Variants in AGO1 observed in about 807,000 individuals in gnomAD.
AGO1 encodes the protein protein argonaute-1.
Under a neutral mutation model 109.2 loss-of-function variants are expected in AGO1, and 11 were observed. That is an observed-to-expected ratio of 0.10 (90% CI 0.06 to 0.17). The LOEUF is 0.17. Ranked by LOEUF, AGO1 falls within the 10% of genes least tolerant of loss-of-function variation. AGO1 has a pLI of 1.00. For synonymous variants in AGO1, 422 were observed against 418.6 expected (o/e 1.01, Z -0.10); for missense variants, 574 against 1,140.3 (o/e 0.50, Z 7.15).
chr1:35,892,484 A>T (rs1412958614), intron 2 of AGO1, 73 bp from the exon 3 acceptor site: 14 of 1,605,608 alleles, frequency 8.7e-6, no homozygotes, highest in Non-Finnish European at 1.2e-5. Context: ...CATTGCCTGG[A>T]CTTTGAATTA....
rs1396447344 is a variant in AGO1, at chr1:35,929,283, TA to T, written c.*9679del. 6.6e-6 allele frequency: 1 copy of T among 152,230 alleles called. No homozygotes were observed. The highest frequency in any genetic ancestry group is 1.5e-5 in the Non-Finnish European group (1 of 68,042). The allele number at this position is 152,230 out of a possible 1,614,324, so 9.4% of individuals were successfully genotyped here. ...ATGAGCCTTTCACATGCATTGACTC[TA>T]AAGAGGTGGGTTCCTGGATAGCAGA... On this transcript the variant is annotated 3_prime_UTR_variant, in exon 19 of 19. Transcript: ENST00000373204.
intron 8 of AGO1, among the ~76,000 whole-genome samples, chr1:35,900,761 T>C (rs997161477): frequency 6.6e-6 from 1 of 151,212 alleles, no homozygotes; most frequent in African/African-American, 2.4e-5. Flanking sequence ...AGTACAAAAA[T>C]TAGCGAGGCA....
chr1:35,896,146 T>G (rs2148712725), intron 8 of AGO1, among the ~76,000 whole-genome samples: 1 of 152,144 alleles, frequency 6.6e-6, no homozygotes, highest in East Asian at 1.9e-4. Flanking sequence ...ATTACAGGCA[T>G]GCGCCACCAC....
At chr1:35,880,915 C>A (rs1645029893), upstream of AGO1, among the ~76,000 whole-genome samples, 1 of 152,174 alleles carries the variant, frequency 6.6e-6, no homozygotes, top group South Asian at 2.1e-4. Context: ...CTGCCTTGGT[C>A]TCCCAAAGTG....
At chr1:35,879,607 T>G (rs1308664017), upstream of AGO1, among the ~76,000 whole-genome samples, 2 of 151,668 alleles carry the variant, frequency 1.3e-5, no homozygotes, top group Non-Finnish European at 2.9e-5. Flanking sequence ...TGGTGGCATG[T>G]GCCTGTCACC....
intron 1 of AGO1, among the ~76,000 whole-genome samples, chr1:35,875,500 G>A (rs1262026624): frequency 5.9e-5 from 9 of 152,040 alleles, no homozygotes; most frequent in Admixed American, 4.6e-4. Context: ...TGCAACCTCC[G>A]CCTCCTGGGG....
rs143723018 is a variant in AGO1, at chr1:35,929,018, T to C, written c.*9411T>C. On this transcript the variant is annotated 3_prime_UTR_variant, in exon 19 of 19. Coordinates refer to ENST00000373204, the MANE Select transcript of AGO1 (RefSeq NM_012199.5). ...ATTTATTCACCTATCTGTCCATCAA[T>C]CCAACAAATATACTGAATGCTGCTA... 6.6e-6 allele frequency: 1 copy of C among 152,266 alleles called. No homozygotes were observed. The highest frequency in any genetic ancestry group is 1.5e-5 in the Non-Finnish European group (1 of 68,054). The allele number at this position is 152,266 out of a possible 1,614,324, so 9.4% of individuals were successfully genotyped here.
chr1:35,920,582 A>T lies in AGO1; in HGVS notation c.*975A>T, dbSNP rs570501842. On this transcript the variant is annotated 3_prime_UTR_variant, in exon 19 of 19. Coordinates refer to ENST00000373204, the MANE Select transcript of AGO1 (RefSeq NM_012199.5). ...CTTTTTAAAAGATCACAACCTCAAGATGGTTAAAATCCATTGACATTTGCA... is the reference window on the plus strand; with the variant it reads ...CTTTTTAAAAGATCACAACCTCAAGTTGGTTAAAATCCATTGACATTTGCA... 1 of 152,496 alleles carries T rather than the reference A, an allele frequency of 6.6e-6. No homozygotes were observed. Among genetic ancestry groups the T allele is most frequent in the Admixed American group, 6.5e-5 (1 of 15,276 alleles). The allele number at this position is 152,496 out of a possible 1,614,324, so 9.4% of individuals were successfully genotyped here. A position where few individuals can be genotyped will look rare whatever the true frequency, so the allele number is the denominator to read the frequency against.
Position 35,894,021 on chromosome 1 carries a change from T to C in AGO1, c.650-16T>C. ...GACAGAACCTGAGCTGAGCTATCTT[T>C]ACCCTGTCCCCACAGTCTCAGCCAC... On this transcript the variant is annotated splice_polypyrimidine_tract_variant and intron_variant, in intron 5 of 18. Coordinates refer to ENST00000373204, the MANE Select transcript of AGO1 (RefSeq NM_012199.5). 6.5e-7 allele frequency: 1 copy of C among 1,536,128 alleles called. No homozygotes were observed. Among genetic ancestry groups the C allele is most frequent in the Non-Finnish European group, 8.7e-7 (1 of 1,143,268 alleles).
At position 35,927,632 on chromosome 1, in the gene AGO1, A is replaced by G. The variant is rs1260272129; in HGVS notation, c.*8025A>G. On this transcript the variant is annotated 3_prime_UTR_variant, in exon 19 of 19. Coordinates refer to ENST00000373204, the MANE Select transcript of AGO1 (RefSeq NM_012199.5). ...ATTGGCAAAGCAAGTAAGATCATCC[A>G]TCAGGAGTGGCTTAGATTAATGAAT... The G allele has an allele frequency of 2.6e-5, 4 of 152,226 alleles. No individual in the cohort carries two copies. Among genetic ancestry groups the G allele is most frequent in the Non-Finnish European group, 5.9e-5 (4 of 68,046 alleles). The allele number at this position is 152,226 out of a possible 1,614,324, so 9.4% of individuals were successfully genotyped here.
At chr1:35,902,112 G>T (rs1255750893) in intron 10 of AGO1, 42 bp downstream of exon 10, 1 of 1,585,050 alleles carries the variant, frequency 6.3e-7, no homozygotes, top group South Asian at 1.2e-5. Flanking sequence ...GGGCATATGG[G>T]GGTGGTTGGG....
chr1:35,875,697 C>T (rs1276218601), intron 1 of AGO1, among the ~76,000 whole-genome samples: 2 of 152,154 alleles, frequency 1.3e-5, no homozygotes, highest in African/African-American at 2.4e-5. Flanking sequence ...CAGGCATGAG[C>T]CACCGTGCCC....
chr1:35,926,105 A>T lies in AGO1; in HGVS notation c.*6498A>T, dbSNP rs1645921660. 6.6e-6 allele frequency: 1 copy of T among 152,224 alleles called. No homozygotes were observed. The highest frequency in any genetic ancestry group is 2.4e-5 in the African/African-American group (1 of 41,464). 9.4% of individuals were successfully genotyped at this position (152,224 alleles called of 1,614,324 possible). A position where few individuals can be genotyped will look rare whatever the true frequency, so the allele number is the denominator to read the frequency against. ...GAGCAGATTTTGACCAGTTGAAATAAGACATAAATTTATGACTCCGAGTGA... is the reference window on the plus strand; with the variant it reads ...GAGCAGATTTTGACCAGTTGAAATATGACATAAATTTATGACTCCGAGTGA... On this transcript the variant is annotated 3_prime_UTR_variant, in exon 19 of 19. Coordinates refer to ENST00000373204, the MANE Select transcript of AGO1 (RefSeq NM_012199.5).
intron 11 of AGO1, 112 bp from the exon 12 acceptor site, chr1:35,906,823 A>C (rs1441621849): frequency 2.1e-6 from 2 of 949,298 alleles, no homozygotes; most frequent in Non-Finnish European, 1.5e-6. Flanking sequence ...AAAAAAAAAA[A>C]AACCAATCTC....
At chr1:35,876,479 G>T (rs1388905092) in intron 1 of AGO1, among the ~76,000 whole-genome samples, 6 of 152,078 alleles carry the variant, frequency 3.9e-5, no homozygotes, top group Non-Finnish European at 8.8e-5. Flanking sequence ...TGTTAGCCAG[G>T]ATGGTCTTGA....
At chr1:35,889,098 G>A (rs971231244) in intron 2 of AGO1, among the ~76,000 whole-genome samples, 6 of 133,138 alleles carry the variant, frequency 4.5e-5, no homozygotes, top group Non-Finnish European at 7.4e-5. Flanking sequence ...GGGGAGAAAT[G>A]AATGGGATGT....
chr1:35,889,316 C>T (rs1390070387), intron 2 of AGO1, among the ~76,000 whole-genome samples: 1 of 150,934 alleles, frequency 6.6e-6, no homozygotes, highest in African/African-American at 2.4e-5. Context: ...CAGCTTTAAG[C>T]TATTCTCCTG....
In AGO1 at chr1:35,915,425, T is replaced by C; in HGVS notation, c.1911T>C (p.Ile637=). The part of the protein sequence containing the change: ...VRVQRPRQEI[I]EDLSYMVREL... ...TACAGCGACCACGGCAAGAGATCAT[T>C]GAAGACTTGTCCTACATGGTGCGTG... Residue 637 remains isoleucine (I), a synonymous_variant, in exon 15 of 19, where the codon ATT becomes ATC. Coordinates refer to ENST00000373204, the MANE Select transcript of AGO1 (RefSeq NM_012199.5). The C allele has an allele frequency of 6.2e-7, 1 of 1,614,104 alleles. No homozygotes were observed. The highest frequency in any genetic ancestry group is 8.5e-7 in the Non-Finnish European group (1 of 1,180,034).
chr1:35,895,953 C>T (rs1415325303), intron 8 of AGO1, among the ~76,000 whole-genome samples: 1 of 152,118 alleles, frequency 6.6e-6, no homozygotes, highest in Non-Finnish European at 1.5e-5. Flanking sequence ...TACCTGAGAG[C>T]TTGCTTAAAA....
Sources: allele counts gnomAD v4.1 joint callset (sites outside exome capture counted in the v4.1 genomes callset), GRCh38; gene constraint gnomAD v4.1.1; transcripts MANE v1.5; gene names NCBI Gene and HGNC (gene_info 2026-07-23, HGNC 2026-07-21).